The following NEXMIF variants were observed in gnomAD, a reference collection of about 807,000 sequenced individuals.
The protein encoded by NEXMIF is XLMR protein related to neurite extension.
NEXMIF carries 8 observed loss-of-function variants against 62.1 expected under a neutral mutation model. That is an observed-to-expected ratio of 0.13 (90% CI 0.08 to 0.23). NEXMIF has a LOEUF of 0.23. Ranked by LOEUF, NEXMIF falls within the 10% of genes least tolerant of loss-of-function variation. The pLI, the probability that NEXMIF is intolerant of heterozygous loss-of-function variation, is 1.00. For synonymous variants in NEXMIF, 404 were observed against 416.6 expected (o/e 0.97, Z 0.37); for missense variants, 976 against 1,113.3 (o/e 0.88, Z 1.75).
chrX:74,879,429 T>A (rs1351203656), intron 1 of NEXMIF, among the ~76,000 whole-genome samples: 3 of 112,310 alleles, frequency 2.7e-5, no homozygotes, highest in African/African-American at 9.7e-5. Flanking sequence ...ATTATTTTAT[T>A]TATATGTTAA....
intron 1 of NEXMIF, among the ~76,000 whole-genome samples, chrX:74,912,356 G>A (rs756475688): frequency 1.8e-5 from 2 of 111,728 alleles, no homozygotes; most frequent in African/African-American, 6.5e-5. Flanking sequence ...GGTTACCTCA[G>A]TCATGGAGGT....
intron 1 of NEXMIF, among the ~76,000 whole-genome samples, chrX:74,834,666 G>T (rs2080450361): frequency 8.9e-6 from 1 of 111,819 alleles, no homozygotes; most frequent in Admixed American, 9.5e-5. Flanking sequence ...AAAGACTGCT[G>T]CCACAGGTAT....
intron 1 of NEXMIF, among the ~76,000 whole-genome samples, chrX:74,762,921 G>A (rs2080181984): frequency 9.0e-6 from 1 of 111,514 alleles, no homozygotes; most frequent in African/African-American, 3.3e-5. Context: ...TAGGTTGCCT[G>A]TTCATTCTGA....
chrX:74,915,651 G>C (rs2080803949), intron 1 of NEXMIF, among the ~76,000 whole-genome samples: 2 of 111,677 alleles, frequency 1.8e-5, no homozygotes, highest in South Asian at 7.6e-4. Flanking sequence ...TATAAGTAGA[G>C]GGGTCATTAT....
chrX:74,826,171 C>G (rs1258141167), intron 1 of NEXMIF, among the ~76,000 whole-genome samples: 1 of 111,985 alleles, frequency 8.9e-6, no homozygotes, highest in Non-Finnish European at 1.9e-5. Flanking sequence ...TAAAATTTTG[C>G]CAGCATCTGT....
At chrX:74,807,720 C>T (rs1466434417) in intron 1 of NEXMIF, among the ~76,000 whole-genome samples, 1 of 111,955 alleles carries the variant, frequency 8.9e-6, no homozygotes, top group Non-Finnish European at 1.9e-5. Context: ...ACCTTGGCTT[C>T]CCAAAGTGCT....
intron 1 of NEXMIF, among the ~76,000 whole-genome samples, chrX:74,855,414 A>T (rs934661969): frequency 8.9e-6 from 1 of 112,276 alleles, no homozygotes; most frequent in Admixed American, 9.4e-5. Flanking sequence ...GCTGAAAACA[A>T]TCAGTGGCAA....
intron 1 of NEXMIF, among the ~76,000 whole-genome samples, chrX:74,923,015 G>C (rs1364476702): frequency 9.0e-6 from 1 of 111,463 alleles, no homozygotes; most frequent in Non-Finnish European, 1.9e-5. Context: ...TTTTTAACTA[G>C]CATGCATGCA....
intron 1 of NEXMIF, among the ~76,000 whole-genome samples, chrX:74,783,114 C>T (rs913689195): frequency 8.1e-5 from 9 of 111,100 alleles, no homozygotes; most frequent in South Asian, 3.8e-4. Flanking sequence ...TTAAAAACCA[C>T]GAGAGCATCA....
At chrX:74,848,630 T>C (rs967314313) in intron 1 of NEXMIF, among the ~76,000 whole-genome samples, 2 of 112,494 alleles carry the variant, frequency 1.8e-5, no homozygotes, top group African/African-American at 6.5e-5. Flanking sequence ...AAAACACTTA[T>C]TAGAATATCC....
At chrX:74,792,840 C>T (rs1461520268) in intron 1 of NEXMIF, among the ~76,000 whole-genome samples, 1 of 92,188 alleles carries the variant, frequency 1.1e-5, no homozygotes, top group African/African-American at 4.0e-5. Flanking sequence ...AGATCTTCCT[C>T]CATCCTTTTA....
At chrX:74,887,255 C>T (rs1339317282) in intron 1 of NEXMIF, among the ~76,000 whole-genome samples, 4 of 111,243 alleles carry the variant, frequency 3.6e-5, no homozygotes, top group East Asian at 2.9e-4. Context: ...GACTTCATGT[C>T]GAAAACACCA....
At chrX:74,844,076 G>T (rs1251660217) in intron 1 of NEXMIF, among the ~76,000 whole-genome samples, 1 of 111,871 alleles carries the variant, frequency 8.9e-6, no homozygotes, top group Non-Finnish European at 1.9e-5. Context: ...CTTGGTTGAA[G>T]ATTTTTTTCT....
At chrX:74,753,962 C>G (rs979866186) in intron 1 of NEXMIF, among the ~76,000 whole-genome samples, 2 of 111,828 alleles carry the variant, frequency 1.8e-5, no homozygotes, top group Non-Finnish European at 3.8e-5. Flanking sequence ...ACAAAAGTTT[C>G]TTTATTTTTT....
chrX:74,843,255 G>A (rs377080429), intron 1 of NEXMIF, among the ~76,000 whole-genome samples: 170 of 111,217 alleles, frequency 1.5e-3, no homozygotes, highest in Non-Finnish European at 2.6e-3. Context: ...ATCTTTCTTC[G>A]TTTGAAATCT....
chrX:74,818,247 A>T (rs1275088320), intron 1 of NEXMIF, among the ~76,000 whole-genome samples: 1 of 111,919 alleles, frequency 8.9e-6, no homozygotes. Context: ...TACAGTAACC[A>T]AAACATGGTA....
chrX:74,821,962 G>A (rs2080398406), intron 1 of NEXMIF, among the ~76,000 whole-genome samples: 1 of 111,601 alleles, frequency 9.0e-6, no homozygotes, highest in South Asian at 3.7e-4. Context: ...CGTAGCTCAG[G>A]CAGGTCTGGA....
chrX:74,890,054 G>A (rs1602268748), intron 1 of NEXMIF, among the ~76,000 whole-genome samples: 1 of 99,391 alleles, frequency 1.0e-5, no homozygotes. Context: ...CTACCAAATC[G>A]GTACTTAGTT....
chrX:74,857,349 C>A (rs944585210), intron 1 of NEXMIF, among the ~76,000 whole-genome samples: 1 of 112,264 alleles, frequency 8.9e-6, no homozygotes. Context: ...GGGCACTGGT[C>A]AGAGTCTTAG....
Sources: allele counts gnomAD v4.1 joint callset (sites outside exome capture counted in the v4.1 genomes callset), GRCh38; gene constraint gnomAD v4.1.1; transcripts MANE v1.5; gene names NCBI Gene and HGNC (gene_info 2026-07-23, HGNC 2026-07-21).